The following LRMDA variants were observed in gnomAD, a reference collection of about 807,000 sequenced individuals.
The protein encoded by LRMDA is leucine-rich melanocyte differentiation-associated protein.
LRMDA carries 18 observed loss-of-function variants against 29.8 expected under a neutral mutation model. The observed-to-expected ratio is 0.60, with a 90% CI of 0.42 to 0.90. The LOEUF is 0.90. Ranked by LOEUF, LRMDA falls within the 40% of genes least tolerant of loss-of-function variation. LRMDA has a pLI of 0.00. For missense variants in LRMDA, 273 were observed against 273.9 expected (o/e 1.00, Z 0.02); for synonymous variants, 125 against 109.4 (o/e 1.14, Z -0.89).
At chr10:76,041,181 T>C (rs1848332934) in intron 3 of LRMDA, among the ~76,000 whole-genome samples, 1 of 152,262 alleles carries the variant, frequency 6.6e-6, no homozygotes, top group Admixed American at 6.5e-5. Context: ...TGTTAGCCAA[T>C]GCCTCGATGC....
chr10:75,938,089 A>T (rs1314447360), intron 2 of LRMDA, among the ~76,000 whole-genome samples: 6 of 152,140 alleles, frequency 3.9e-5, no homozygotes, highest in Non-Finnish European at 8.8e-5. Flanking sequence ...AACTTGAAGG[A>T]CTTTTTCCAG....
chr10:75,769,035 A>G (rs1415446144), intron 2 of LRMDA, among the ~76,000 whole-genome samples: 1 of 152,206 alleles, frequency 6.6e-6, no homozygotes, highest in Non-Finnish European at 1.5e-5. Context: ...CCCATCAGAG[A>G]CGGGCAAAGT....
At chr10:75,492,665 A>G (rs1440128107) in intron 2 of LRMDA, among the ~76,000 whole-genome samples, 3 of 152,172 alleles carry the variant, frequency 2.0e-5, no homozygotes, top group Non-Finnish European at 4.4e-5. Context: ...TTGAAGATTT[A>G]TTGTTAAAAT....
chr10:76,171,546 C>T (rs1030684368), intron 5 of LRMDA, among the ~76,000 whole-genome samples: 7 of 152,210 alleles, frequency 4.6e-5, no homozygotes, highest in Admixed American at 1.3e-4. Context: ...ATTAGCATGG[C>T]AAGCCCCTCC....
intron 2 of LRMDA, among the ~76,000 whole-genome samples, chr10:75,839,468 A>G (rs2132299171): frequency 6.6e-6 from 1 of 152,192 alleles, no homozygotes; most frequent in South Asian, 2.1e-4. Context: ...ATGTAGACAC[A>G]TCAGTTCCCT....
At chr10:76,012,126 T>C (rs1330596150) in intron 2 of LRMDA, among the ~76,000 whole-genome samples, 1 of 152,206 alleles carries the variant, frequency 6.6e-6, no homozygotes, top group Non-Finnish European at 1.5e-5. Context: ...CAAAGCTGGT[T>C]CCTGGAGCGC....
intron 6 of LRMDA, among the ~76,000 whole-genome samples, chr10:76,399,938 G>A (rs186779000): frequency 6.6e-5 from 10 of 152,056 alleles, no homozygotes; most frequent in African/African-American, 2.4e-4. Flanking sequence ...TTCTAAGATG[G>A]TCCTTATAAT....
chr10:76,508,694 C>T (rs2132349665), intron 6 of LRMDA, among the ~76,000 whole-genome samples: 1 of 152,078 alleles, frequency 6.6e-6, no homozygotes, highest in East Asian at 1.9e-4. Flanking sequence ...GCCATTTCTC[C>T]AAGGAAATCT....
chr10:75,741,228 G>C (rs1172982729), intron 2 of LRMDA, among the ~76,000 whole-genome samples: 1 of 152,178 alleles, frequency 6.6e-6, no homozygotes, highest in Non-Finnish European at 1.5e-5. Flanking sequence ...CCACTTCCAG[G>C]CTCTGTCATG....
intron 6 of LRMDA, among the ~76,000 whole-genome samples, chr10:76,331,031 G>A (rs1840898539): frequency 6.6e-6 from 1 of 152,168 alleles, no homozygotes; most frequent in Non-Finnish European, 1.5e-5. Context: ...AGCACTTTGG[G>A]AGGCTGATGC....
At chr10:75,535,985 G>C (rs147779770) in intron 2 of LRMDA, among the ~76,000 whole-genome samples, 1 of 152,336 alleles carries the variant, frequency 6.6e-6, no homozygotes, top group African/African-American at 2.4e-5. Context: ...AGAATGAGAG[G>C]TTGGGTTGGC....
intron 2 of LRMDA, among the ~76,000 whole-genome samples, chr10:75,887,701 A>G (rs1170094364): frequency 6.6e-6 from 1 of 152,202 alleles, no homozygotes; most frequent in African/African-American, 2.4e-5. Context: ...GGCCCTTTAC[A>G]GAAAAAGCTT....
At chr10:75,888,545 A>T (rs926113062) in intron 2 of LRMDA, among the ~76,000 whole-genome samples, 1 of 152,224 alleles carries the variant, frequency 6.6e-6, no homozygotes, top group Non-Finnish European at 1.5e-5. Context: ...CAGCTGAGTA[A>T]ATACTGTATC....
chr10:75,554,029 T>C (rs747647358), intron 2 of LRMDA, among the ~76,000 whole-genome samples: 1 of 152,340 alleles, frequency 6.6e-6, no homozygotes, highest in Non-Finnish European at 1.5e-5. Flanking sequence ...TTTCAATCTG[T>C]CCTCTGCTAA....
intron 2 of LRMDA, among the ~76,000 whole-genome samples, chr10:75,937,986 G>A (rs1435205667): frequency 1.3e-5 from 2 of 152,166 alleles, no homozygotes; most frequent in Non-Finnish European, 2.9e-5. Context: ...AGCTTGACAA[G>A]TCGCATAAAA....
intron 2 of LRMDA, among the ~76,000 whole-genome samples, chr10:76,019,678 GTGT>G (rs2132489578): frequency 6.6e-6 from 1 of 152,268 alleles, no homozygotes; most frequent in Non-Finnish European, 1.5e-5. Flanking sequence ...TTTATTGACA[GTGT>G]TGTTGTTTTT....
chr10:76,365,114 A>ACACACC (rs1841377099), intron 6 of LRMDA, among the ~76,000 whole-genome samples: 1 of 141,848 alleles, frequency 7.0e-6, no homozygotes, highest in Non-Finnish European at 1.6e-5. Flanking sequence ...ATATACACAC[A>ACACACC]CACACATACA....
intron 2 of LRMDA, among the ~76,000 whole-genome samples, chr10:75,966,487 A>G (rs1262066372): frequency 2.6e-5 from 4 of 152,326 alleles, no homozygotes; most frequent in African/African-American, 9.6e-5. Flanking sequence ...TTGGTCCTCT[A>G]TCTTGCTGTC....
At position 75,607,634 on chromosome 10, in the gene LRMDA, A is replaced by G. The variant is rs547953353; in HGVS notation, c.131+169140A>G. Among the ~76,000 whole-genome samples the G allele has an allele frequency of 5.3e-5, 8 of 152,220 alleles. No individual in the cohort carries two copies. The East Asian group carries it at 9.7e-4, about 18-fold the overall frequency. Reference sequence around the variant, plus strand: ...AAATGCTAAAGCATTACAGATGAGCATCTTTTTCTTTTTAAGGGAGAATCA... The same window carrying G: ...AAATGCTAAAGCATTACAGATGAGCGTCTTTTTCTTTTTAAGGGAGAATCA... On this transcript the variant is annotated intron_variant, in intron 2 of 6. Coordinates refer to ENST00000611255, the MANE Select transcript of LRMDA (RefSeq NM_001305581.2).
Sources: allele counts gnomAD v4.1 joint callset (sites outside exome capture counted in the v4.1 genomes callset), GRCh38; gene constraint gnomAD v4.1.1; transcripts MANE v1.5; gene names NCBI Gene and HGNC (gene_info 2026-07-23, HGNC 2026-07-21).